Variants in FER observed in about 807,000 individuals in gnomAD.
The protein encoded by FER is FER tyrosine kinase, also known as tyrosine-protein kinase Fer.
Under a neutral mutation model 111.0 loss-of-function variants are expected in FER, and 63 were observed. The ratio of observed to expected loss-of-function variants is 0.57; its 90% CI spans 0.46 to 0.70. The LOEUF (loss-of-function observed/expected upper bound fraction) is 0.70, where lower values mean the gene tolerates loss of function less well. Among genes scored for constraint, FER ranks in the 30% least tolerant of loss-of-function variants. FER has a pLI of 0.00. For missense variants in FER, 914 were observed against 954.0 expected (o/e 0.96, Z 0.55); for synonymous variants, 327 against 313.9 (o/e 1.04, Z -0.44).
intron 10 of FER, among the ~76,000 whole-genome samples, chr5:108,938,538 G>A (rs1581293037): frequency 6.6e-6 from 1 of 152,086 alleles, no homozygotes; most frequent in East Asian, 1.9e-4. Context: ...GATCCATCCA[G>A]GGCTGAATTT....
At chr5:108,852,361 G>T (rs1410304310) in intron 5 of FER, among the ~76,000 whole-genome samples, 4 of 152,082 alleles carry the variant, frequency 2.6e-5, no homozygotes, top group Non-Finnish European at 5.9e-5. Context: ...GAGACAGATG[G>T]TTAAATTTAT....
chr5:108,938,198 T>G (rs1581290735), intron 10 of FER, among the ~76,000 whole-genome samples: 1 of 151,854 alleles, frequency 6.6e-6, no homozygotes, highest in African/African-American at 2.4e-5. Context: ...AGATCCAAAG[T>G]TAAGTAGAGT....
intron 5 of FER, among the ~76,000 whole-genome samples, chr5:108,861,482 A>C (rs1763514275): frequency 6.6e-6 from 1 of 152,172 alleles, no homozygotes; most frequent in Non-Finnish European, 1.5e-5. Flanking sequence ...GAATTTTATT[A>C]TGTGGAGGAG....
chr5:108,945,844 A>G (rs1031522278), intron 10 of FER, among the ~76,000 whole-genome samples: 4 of 151,510 alleles, frequency 2.6e-5, no homozygotes, highest in African/African-American at 9.7e-5. Context: ...TTTCCTTTGC[A>G]TTTCTTGTTT....
intron 13 of FER, among the ~76,000 whole-genome samples, chr5:109,023,294 T>C (rs1001096721): frequency 2.6e-5 from 4 of 152,108 alleles, no homozygotes; most frequent in Non-Finnish European, 5.9e-5. Flanking sequence ...GTAGTTACAT[T>C]TACTGAAATA....
At chr5:109,052,282 G>C (rs1772943992) in intron 16 of FER, 7 of 1,608,706 alleles carry the variant, frequency 4.4e-6, no homozygotes, top group Non-Finnish European at 6.0e-6. Context: ...TTCACAACCA[G>C]GTTGCTGAGT....
intron 13 of FER, among the ~76,000 whole-genome samples, chr5:108,989,540 C>CAT (rs1762932787): frequency 6.6e-6 from 1 of 151,956 alleles, no homozygotes; most frequent in Non-Finnish European, 1.5e-5. Context: ...GGTCATTTAG[C>CAT]ATATTCCTTT....
intron 3 of FER, among the ~76,000 whole-genome samples, chr5:108,818,676 G>C (rs1758525607): frequency 6.6e-6 from 1 of 152,138 alleles, no homozygotes; most frequent in Non-Finnish European, 1.5e-5. Flanking sequence ...GGGGCGGTTA[G>C]ATAAGATGAT....
chr5:108,906,154 T>C (rs1750731904), intron 10 of FER, among the ~76,000 whole-genome samples: 1 of 152,208 alleles, frequency 6.6e-6, no homozygotes, highest in South Asian at 2.1e-4. Flanking sequence ...GTTGCAGGAA[T>C]AGTTAAGTTT....
chr5:109,146,249 AT>A (rs1754131739), intron 17 of FER, among the ~76,000 whole-genome samples: 1 of 67,520 alleles, frequency 1.5e-5, no homozygotes, highest in Non-Finnish European at 2.9e-5. Context: ...TATATAATCT[AT>A]CTAATATATA....
chr5:108,788,197 C>T (rs564871005), intron 2 of FER, among the ~76,000 whole-genome samples: 40 of 152,326 alleles, frequency 2.6e-4, no homozygotes, highest in Middle Eastern at 3.4e-3. Context: ...ACTGAAGCTA[C>T]GTGTTGTATG....
chr5:109,090,686 A>G (rs1201035576), intron 16 of FER, among the ~76,000 whole-genome samples: 2 of 152,240 alleles, frequency 1.3e-5, no homozygotes, highest in Admixed American at 6.5e-5. Context: ...AAAGAATACC[A>G]TAACTGAATA....
chr5:108,885,633 A>T (rs981987330), intron 9 of FER, among the ~76,000 whole-genome samples: 3 of 151,574 alleles, frequency 2.0e-5, no homozygotes, highest in African/African-American at 7.3e-5. Flanking sequence ...GCTCCCCGGG[A>T]TCTCTTTTAT....
chr5:109,029,145 T>G (rs1299238511), intron 13 of FER, among the ~76,000 whole-genome samples: 2 of 151,754 alleles, frequency 1.3e-5, no homozygotes, highest in Non-Finnish European at 2.9e-5. Flanking sequence ...TGTTAAACTT[T>G]CCTCACAGAG....
At chr5:109,128,556 T>G (rs1211856146) in intron 17 of FER, among the ~76,000 whole-genome samples, 2 of 152,142 alleles carry the variant, frequency 1.3e-5, no homozygotes, top group African/African-American at 4.8e-5. Context: ...TTCTGGTGTT[T>G]ACTCTCTTGT....
chr5:108,901,601 G>T (rs902650330), intron 10 of FER, among the ~76,000 whole-genome samples: 1 of 152,120 alleles, frequency 6.6e-6, no homozygotes, highest in Non-Finnish European at 1.5e-5. Flanking sequence ...TAATCACTTT[G>T]TGTCTACCAC....
At chr5:109,152,648 G>A (rs1276150776) in intron 17 of FER, among the ~76,000 whole-genome samples, 2 of 151,876 alleles carry the variant, frequency 1.3e-5, no homozygotes. Flanking sequence ...GTACTGAATT[G>A]CAAGTATTTA....
At chr5:109,076,861 C>A (rs902773712) in intron 16 of FER, among the ~76,000 whole-genome samples, 1 of 152,216 alleles carries the variant, frequency 6.6e-6, no homozygotes, top group East Asian at 1.9e-4. Context: ...GTATTTCAGA[C>A]ACTGGTAATC....
intron 17 of FER, among the ~76,000 whole-genome samples, chr5:109,162,874 A>G (rs1462941041): frequency 3.3e-5 from 5 of 151,922 alleles, no homozygotes; most frequent in Admixed American, 3.3e-4. Flanking sequence ...TGCACTATAA[A>G]TACAATAAAA....
Sources: gnomAD v4.1 joint callset for allele counts (sites outside exome capture counted in the v4.1 genomes callset) on GRCh38, gnomAD v4.1.1 for gene constraint, MANE v1.5 for transcripts, NCBI Gene and HGNC (gene_info 2026-07-23, HGNC 2026-07-21) for gene names.